Variants in STAT5B observed in about 807,000 individuals in gnomAD.
The protein encoded by STAT5B is signal transducer and activator of transcription 5B, also known as transcription factor STAT5B.
STAT5B carries 21 observed loss-of-function variants against 107.8 expected under a neutral mutation model. The observed-to-expected ratio is 0.19, with a 90% CI of 0.14 to 0.28. The LOEUF is 0.28. STAT5B is among the 10% of genes least tolerant of loss of function. STAT5B has a pLI of 1.00. For synonymous variants in STAT5B, 325 were observed against 401.7 expected (o/e 0.81, Z 2.28); for missense variants, 565 against 1,008.2 (o/e 0.56, Z 5.95).
At chr17:42,252,287 T>C (rs1429956625) in intron 1 of STAT5B, among the ~76,000 whole-genome samples, 1 of 152,202 alleles carries the variant, frequency 6.6e-6, no homozygotes, top group Non-Finnish European at 1.5e-5. Flanking sequence ...ACAATATTTG[T>C]ATCCAATGTC....
chr17:42,258,835 G>C (rs1168930592), intron 1 of STAT5B, among the ~76,000 whole-genome samples: 1 of 152,286 alleles, frequency 6.6e-6, no homozygotes, highest in East Asian at 1.9e-4. Context: ...TGGCAGTTTA[G>C]GGAGGCTACC....
chr17:42,207,504 CACACACACACACACACACACAA>C, intron 16 of STAT5B, 32 bp downstream of exon 16: 1 of 1,587,696 alleles, frequency 6.3e-7, no homozygotes, highest in African/African-American at 1.4e-5. Flanking sequence ...CACACACACA[CACACACACACACACACACACAA>C]CAAAATCAAA....
At chr17:42,244,518 CCT>C (rs2080434472) in intron 1 of STAT5B, among the ~76,000 whole-genome samples, 1 of 152,116 alleles carries the variant, frequency 6.6e-6, no homozygotes, top group Admixed American at 6.5e-5. Flanking sequence ...ACTACAATAC[CCT>C]GTTTCTATAC....
rs141668656 is a variant in STAT5B at position 42,224,690 on chromosome 17, CCT to C, written c.375+87_375+88del. 2,328 of 1,313,634 alleles carry C rather than the reference CCT, an allele frequency of 1.8e-3. 38 individuals are homozygous for C. The African/African-American group carries it at 0.03, about 17-fold the overall frequency. The allele number at this position is 1,313,634 out of a possible 1,614,324, so 81.4% of individuals were successfully genotyped here. Reference sequence around the variant, plus strand: ...CTTTAAAGAGACACCAATAGTGCACCCTGAGTCACCTTGACAAAGGTGGGTCC... The same window carrying C: ...CTTTAAAGAGACACCAATAGTGCACCGAGTCACCTTGACAAAGGTGGGTCC... On this transcript the variant is annotated intron_variant, in intron 4 of 18. Coordinates refer to ENST00000293328, the MANE Select transcript of STAT5B (RefSeq NM_012448.4).
intron 1 of STAT5B, among the ~76,000 whole-genome samples, chr17:42,243,157 A>C (rs1348546363): frequency 2.0e-5 from 3 of 151,662 alleles, no homozygotes; most frequent in African/African-American, 4.9e-5. Flanking sequence ...AACTTTAAAA[A>C]ATATATGTGT....
chr17:42,226,486 C>T (rs137855179), intron 3 of STAT5B, among the ~76,000 whole-genome samples: 2,110 of 152,076 alleles, frequency 0.014, 43 homozygotes, highest in African/African-American at 0.049. Context: ...TGTATTATAA[C>T]CATGCAAGAC....
At chr17:42,279,620 TTTAC>T (rs1409380379), upstream of STAT5B, among the ~76,000 whole-genome samples, 2 of 152,096 alleles carry the variant, frequency 1.3e-5, no homozygotes, top group Admixed American at 6.5e-5. Context: ...AAACCTCGTC[TTTAC>T]TAAAAATACA....
chr17:42,213,049 G>A (rs1405959524), intron 12 of STAT5B, among the ~76,000 whole-genome samples: 2 of 152,064 alleles, frequency 1.3e-5, no homozygotes, highest in Non-Finnish European at 2.9e-5. Flanking sequence ...CTCTATCTGG[G>A]AGACCTCCCA....
chr17:42,210,438 C>A lies in STAT5B; in HGVS notation c.1740G>T (p.Val580=). The A allele has an allele frequency of 6.2e-7, 1 of 1,614,144 alleles. No homozygotes were observed. Among genetic ancestry groups the A allele is most frequent in the Non-Finnish European group, 8.5e-7 (1 of 1,180,032 alleles). The stretch of plus-strand genomic sequence containing the variant: ...AATGAGGCTTGAGATGTTTTTTTAA[C>A]ACTTCCATCACACCGTCAAACCATT... ...FWQWFDGVME[V]LKKHLKPHWN... The change falls in exon 14 of 19, where the codon GTG becomes GTT. Residue 580 remains valine, a synonymous_variant. Coordinates refer to ENST00000293328, the MANE Select transcript of STAT5B (RefSeq NM_012448.4).
chr17:42,244,343 G>A (rs913538587), intron 1 of STAT5B, among the ~76,000 whole-genome samples: 7 of 150,244 alleles, frequency 4.7e-5, no homozygotes, highest in South Asian at 2.1e-4. Flanking sequence ...CTCTTACCTC[G>A]GCCTCCCAAA....
At chr17:42,218,456 CCT>C in intron 8 of STAT5B, 126 bp from the exon 9 acceptor site, 2 of 1,464,508 alleles carry the variant, frequency 1.4e-6, no homozygotes, top group Non-Finnish European at 1.8e-6. Context: ...TCGGGCACAG[CCT>C]CTGTTCCTGG....
chr17:42,287,703 C>A, the STAT5B span: 1 of 152,278 alleles, frequency 6.6e-6, no homozygotes, highest in African/African-American at 2.4e-5. Context: ...GGATCACAGT[C>A]GGCTGGTGAG....
chr17:42,243,381 T>C (rs1438548632), intron 1 of STAT5B, among the ~76,000 whole-genome samples: 1 of 151,902 alleles, frequency 6.6e-6, no homozygotes, highest in Non-Finnish European at 1.5e-5. Context: ...CACCCACAGC[T>C]CTAAAGGCCA....
intron 16 of STAT5B, among the ~76,000 whole-genome samples, chr17:42,206,864 C>A (rs991319259): frequency 6.8e-6 from 1 of 147,118 alleles, no homozygotes; most frequent in Non-Finnish European, 1.5e-5. Context: ...TGTGAGCCAC[C>A]ACGCCCGACC....
At chr17:42,202,584 T>C (rs2080054261) in intron 17 of STAT5B, 137 bp from the exon 18 acceptor site, 2 of 1,424,998 alleles carry the variant, frequency 1.4e-6, no homozygotes, top group South Asian at 1.2e-5. Context: ...GGGCTCCAGC[T>C]ACAGGAGTGG....
chr17:42,261,902 G>GT (rs1350697760), intron 1 of STAT5B, among the ~76,000 whole-genome samples: 1 of 151,958 alleles, frequency 6.6e-6, no homozygotes, highest in Non-Finnish European at 1.5e-5. Flanking sequence ...ATCTCATTAC[G>GT]TTGTCCAGGC....
chr17:42,286,338 G>C, the STAT5B span, among the ~76,000 whole-genome samples: 3 of 152,104 alleles, frequency 2.0e-5, no homozygotes, highest in African/African-American at 7.2e-5. Flanking sequence ...GTCAACCAAG[G>C]GCACAGCCAC....
At chr17:42,236,044 T>C (rs773625897) in intron 1 of STAT5B, among the ~76,000 whole-genome samples, 10 of 152,246 alleles carry the variant, frequency 6.6e-5, no homozygotes, top group Non-Finnish European at 1.3e-4. Context: ...AGTAGAATGC[T>C]GAGCTCTTAG....
chr17:42,250,028 A>C (rs2080485076), intron 1 of STAT5B, among the ~76,000 whole-genome samples: 1 of 152,172 alleles, frequency 6.6e-6, no homozygotes, highest in Admixed American at 6.5e-5. Context: ...TTCCCAGAGG[A>C]GCAAAATTAG....
Sources: gnomAD v4.1 joint callset for allele counts (sites outside exome capture counted in the v4.1 genomes callset) on GRCh38, gnomAD v4.1.1 for gene constraint, MANE v1.5 for transcripts, NCBI Gene and HGNC (gene_info 2026-07-23, HGNC 2026-07-21) for gene names.